The following LUZP2 variants were observed in gnomAD, a reference collection of about 807,000 sequenced individuals.
LUZP2 encodes leucine zipper protein 2.
A neutral mutation model predicts 51.6 loss-of-function variants in LUZP2; 52 were observed. The ratio of observed to expected loss-of-function variants is 1.01; its 90% CI spans 0.81 to 1.27. The LOEUF (loss-of-function observed/expected upper bound fraction) is 1.27. Among genes scored for constraint, LUZP2 ranks in the 50% most tolerant of loss-of-function variants. The pLI is 0.00. For missense variants in LUZP2, 436 were observed against 395.4 expected, an observed-to-expected ratio of 1.10 and a Z score of -0.87; for synonymous variants, 154 against 137.3, an observed-to-expected ratio of 1.12 and a Z score of -0.85.
At chr11:24,854,394 A>G (rs908818750) in intron 5 of LUZP2, among the ~76,000 whole-genome samples, 1 of 152,198 alleles carries the variant, frequency 6.6e-6, no homozygotes, top group African/African-American at 2.4e-5. Flanking sequence ...ACCCAGTTCA[A>G]ACTTCCCAGC....
At chr11:24,992,396 G>C (rs950600505) in intron 9 of LUZP2, among the ~76,000 whole-genome samples, 1 of 152,052 alleles carries the variant, frequency 6.6e-6, no homozygotes, top group African/African-American at 2.4e-5. Flanking sequence ...ATTTTACCAT[G>C]ATTTTCTTAG....
Position 24,915,015 on chromosome 11 carries a change from C to T in LUZP2, c.522+477C>T, listed in dbSNP as rs137867438. On this transcript the variant is annotated intron_variant, in intron 7 of 11. Coordinates refer to ENST00000336930, the MANE Select transcript of LUZP2 (RefSeq NM_001009909.4). ...ATCAACTTTCAGATATTATCAAGATCAGGACTTGTTGAAAATTTTTATGAC... is the reference window on the plus strand; with the variant it reads ...ATCAACTTTCAGATATTATCAAGATTAGGACTTGTTGAAAATTTTTATGAC... Among the ~76,000 whole-genome samples, 276 of 152,170 alleles carry T rather than the reference C, an allele frequency of 1.8e-3. 2 individuals carry two copies. Among genetic ancestry groups the T allele is most frequent in the African/African-American group, 6.3e-3 (261 of 41,526 alleles).
chr11:24,616,228 T>C (rs1216561936), intron 1 of LUZP2, among the ~76,000 whole-genome samples: 2 of 152,086 alleles, frequency 1.3e-5, no homozygotes. Context: ...TACCATTTTT[T>C]TTCTTTTATG....
intron 9 of LUZP2, among the ~76,000 whole-genome samples, chr11:25,017,963 G>T (rs1007250174): frequency 8.6e-5 from 13 of 151,278 alleles, no homozygotes; most frequent in African/African-American, 3.2e-4. Flanking sequence ...TTTCAGAGTT[G>T]TTTTGTAGTT....
At position 24,964,207 on chromosome 11, in the gene LUZP2, G is replaced by T. The variant is rs370347385; in HGVS notation, c.523-12384G>T. 1.7e-3 allele frequency among the ~76,000 whole-genome samples: 261 copies of T among 152,216 alleles called. 2 individuals carry two copies. Among genetic ancestry groups the T allele is most frequent in the African/African-American group, 6.1e-3 (255 of 41,518 alleles). On this transcript the variant is annotated intron_variant, in intron 7 of 11. Transcript: ENST00000336930. ...ATGAGGATAATTACTTATCTCTTAG[G>T]ATTAATGAGAATATTTAGATGTTAA...
chr11:24,786,245 A>C (rs925225382), intron 5 of LUZP2: 1 of 960,492 alleles, frequency 1.0e-6, no homozygotes, highest in Non-Finnish European at 1.2e-6. Flanking sequence ...TCGTAATTGC[A>C]TGCATGCATG....
intron 5 of LUZP2, among the ~76,000 whole-genome samples, chr11:24,792,497 C>G (rs897452916): frequency 6.6e-5 from 10 of 151,842 alleles, no homozygotes; most frequent in Non-Finnish European, 1.3e-4. Flanking sequence ...GACACGTACT[C>G]TATGTGGAGT....
At chr11:24,933,863 C>T (rs986311093) in intron 7 of LUZP2, among the ~76,000 whole-genome samples, 2 of 151,736 alleles carry the variant, frequency 1.3e-5, no homozygotes, top group Non-Finnish European at 2.9e-5. Context: ...TTGGGATGGG[C>T]GGTGGAGTTA....
intron 5 of LUZP2, among the ~76,000 whole-genome samples, chr11:24,837,947 A>T (rs548854231): frequency 1.3e-4 from 20 of 151,844 alleles, no homozygotes; most frequent in African/African-American, 4.6e-4. Context: ...AAATGGTTGC[A>T]TGATTATTCT....
At chr11:24,764,509 A>G (rs1203670833) in intron 5 of LUZP2, among the ~76,000 whole-genome samples, 3 of 148,038 alleles carry the variant, frequency 2.0e-5, no homozygotes, top group East Asian at 2.0e-4. Context: ...AAAAAAAAAA[A>G]AAAAAAATTA....
At chr11:24,797,632 C>A (rs1849582241) in intron 5 of LUZP2, among the ~76,000 whole-genome samples, 1 of 152,106 alleles carries the variant, frequency 6.6e-6, no homozygotes, top group African/African-American at 2.4e-5. Context: ...AGAAATGCTA[C>A]TGTAGTAGAA....
At chr11:24,838,343 A>T (rs1292423108) in intron 5 of LUZP2, among the ~76,000 whole-genome samples, 8 of 151,532 alleles carry the variant, frequency 5.3e-5, no homozygotes, top group African/African-American at 1.5e-4. Flanking sequence ...TGTGAAGGAG[A>T]TGTGTCTCAG....
intron 1 of LUZP2, among the ~76,000 whole-genome samples, chr11:24,601,520 TC>T (rs1853636393): frequency 6.6e-6 from 1 of 152,034 alleles, no homozygotes; most frequent in South Asian, 2.1e-4. Flanking sequence ...ATAGATTACA[TC>T]CACATTTTGA....
At chr11:24,943,291 G>A (rs7925281) in intron 7 of LUZP2, among the ~76,000 whole-genome samples, 3 of 152,130 alleles carry the variant, frequency 2.0e-5, no homozygotes, top group African/African-American at 4.8e-5. Context: ...TTGTGCAAAC[G>A]TAGCAGAGAA....
intron 1 of LUZP2, among the ~76,000 whole-genome samples, chr11:24,590,604 T>G (rs1258817460): frequency 6.6e-6 from 1 of 152,180 alleles, no homozygotes; most frequent in East Asian, 1.9e-4. Context: ...TGTCCTCTTT[T>G]GCTTTATAAA....
intron 1 of LUZP2, among the ~76,000 whole-genome samples, chr11:24,620,190 T>G (rs1166467427): frequency 6.6e-6 from 1 of 152,186 alleles, no homozygotes; most frequent in African/African-American, 2.4e-5. Flanking sequence ...TTTTTTAAGA[T>G]GAGAATTTCA....
chr11:24,598,918 G>C (rs533256231), intron 1 of LUZP2, among the ~76,000 whole-genome samples: 52 of 152,242 alleles, frequency 3.4e-4, no homozygotes, highest in African/African-American at 1.3e-3. Context: ...AGTAATTATG[G>C]TGAAATCTCT....
intron 5 of LUZP2, among the ~76,000 whole-genome samples, chr11:24,820,531 C>T (rs1850325850): frequency 6.6e-6 from 1 of 152,002 alleles, no homozygotes; most frequent in Admixed American, 6.6e-5. Context: ...TAATTTGATA[C>T]TCATGTGAAG....
chr11:24,739,539 G>A (rs542377713), intron 4 of LUZP2, among the ~76,000 whole-genome samples: 1 of 152,208 alleles, frequency 6.6e-6, no homozygotes, highest in Non-Finnish European at 1.5e-5. Flanking sequence ...GGCTGATCCA[G>A]CACATCCATG....
Sources: gnomAD v4.1 joint callset for allele counts (sites outside exome capture counted in the v4.1 genomes callset) on GRCh38, gnomAD v4.1.1 for gene constraint, MANE v1.5 for transcripts, NCBI Gene and HGNC (gene_info 2026-07-23, HGNC 2026-07-21) for gene names.